ADGRL3: variants seen among roughly 807,000 people sequenced by gnomAD.
ADGRL3 encodes the protein adhesion G protein-coupled receptor L3.
Under a neutral mutation model 153.5 loss-of-function variants are expected in ADGRL3, and 62 were observed. The ratio of observed to expected loss-of-function variants is 0.40; its 90% CI spans 0.33 to 0.50. The LOEUF (loss-of-function observed/expected upper bound fraction) is 0.50, where lower values mean the gene tolerates loss of function less well. Among genes scored for constraint, ADGRL3 ranks in the 20% least tolerant of loss-of-function variants. The pLI is 0.47. For synonymous variants in ADGRL3, 710 were observed against 672.5 expected (o/e 1.06, Z -0.86); for missense variants, 1,641 against 1,859.4 (o/e 0.88, Z 2.16).
chr4:61,871,174 A>G (rs894430322), intron 9 of ADGRL3, among the ~76,000 whole-genome samples: 1 of 152,044 alleles, frequency 6.6e-6, no homozygotes, highest in Non-Finnish European at 1.5e-5. Flanking sequence ...ACTACTCAGC[A>G]GGCTAAGGCA....
intron 2 of ADGRL3, among the ~76,000 whole-genome samples, chr4:61,480,614 C>G (rs1309213023): frequency 1.3e-5 from 2 of 151,688 alleles, no homozygotes; most frequent in Admixed American, 1.3e-4. Context: ...GAAACCCTGT[C>G]TCTACTAAAA....
chr4:61,383,615 T>C (rs1463383298), intron 2 of ADGRL3, among the ~76,000 whole-genome samples: 1 of 151,826 alleles, frequency 6.6e-6, no homozygotes, highest in Non-Finnish European at 1.5e-5. Flanking sequence ...AAGTCATTTT[T>C]CTTTAATTCA....
intron 15 of ADGRL3, among the ~76,000 whole-genome samples, chr4:61,936,731 C>A (rs1390250731): frequency 6.6e-6 from 1 of 150,396 alleles, no homozygotes; most frequent in Non-Finnish European, 1.5e-5. Flanking sequence ...ATTTACATCT[C>A]CTCTAAAGTA....
At chr4:61,886,127 C>T (rs1007436108) in intron 9 of ADGRL3, among the ~76,000 whole-genome samples, 7 of 152,068 alleles carry the variant, frequency 4.6e-5, no homozygotes, top group East Asian at 3.9e-4. Context: ...TTCACTATCT[C>T]GGGAGGCCAT....
At chr4:61,209,156 C>G (rs1032661837) in intron 1 of ADGRL3, among the ~76,000 whole-genome samples, 1 of 152,030 alleles carries the variant, frequency 6.6e-6, no homozygotes, top group Non-Finnish European at 1.5e-5. Flanking sequence ...TATTTCCTTC[C>G]AGAACTTTGG....
At chr4:61,480,835 A>AC (rs1398382167) in intron 2 of ADGRL3, among the ~76,000 whole-genome samples, 3 of 152,056 alleles carry the variant, frequency 2.0e-5, no homozygotes, top group Non-Finnish European at 2.9e-5. Flanking sequence ...TGAGCAAAGG[A>AC]CCTAAGTAGA....
intron 5 of ADGRL3, among the ~76,000 whole-genome samples, chr4:61,589,032 G>C (rs944321996): frequency 6.6e-6 from 1 of 151,930 alleles, no homozygotes; most frequent in African/African-American, 2.4e-5. Context: ...ATTATTAACA[G>C]CTCCAAAAAT....
Position 61,644,224 on chromosome 4 carries a change from A to T in ADGRL3, c.474-32602A>T, listed in dbSNP as rs1481690040. Among the ~76,000 whole-genome samples, 18 of 147,870 alleles carry T rather than the reference A, an allele frequency of 1.2e-4. No homozygotes were observed. The South Asian group carries it at 1.6e-3, about 13-fold the overall frequency. On this transcript the variant is annotated intron_variant, in intron 5 of 26. Coordinates refer to ENST00000683033, the MANE Select transcript of ADGRL3 (RefSeq NM_001387552.1). Reference sequence around the variant, plus strand: ...GCTAGCGGTCTATCAATTTTGTTGAACCTTTCAAAAAACCAGCTCCTGGAT... The same window carrying T: ...GCTAGCGGTCTATCAATTTTGTTGATCCTTTCAAAAAACCAGCTCCTGGAT...
intron 2 of ADGRL3, among the ~76,000 whole-genome samples, chr4:61,464,716 C>T (rs1456283107): frequency 6.6e-6 from 1 of 152,072 alleles, no homozygotes; most frequent in Non-Finnish European, 1.5e-5. Flanking sequence ...GGAAGATATT[C>T]TTCAGTTTTG....
chr4:61,652,521 C>A (rs1296269959), intron 5 of ADGRL3, among the ~76,000 whole-genome samples: 3 of 152,284 alleles, frequency 2.0e-5, no homozygotes, highest in Non-Finnish European at 4.4e-5. Flanking sequence ...TATAACCCAT[C>A]TCTCCTACAT....
In ADGRL3 at chr4:61,451,894, G is replaced by A. The variant is rs192281305; in HGVS notation, c.-173-45227G>A. On this transcript the variant is annotated intron_variant, in intron 2 of 26. Coordinates refer to ENST00000683033, the MANE Select transcript of ADGRL3 (RefSeq NM_001387552.1). ...GAAGTAATAGGAAGATATGATAACA[G>A]AGAGACCAGATAAAGGGCTTTTGCT... Among the ~76,000 whole-genome samples the A allele has an allele frequency of 2.2e-4, 34 of 152,284 alleles. 1 individual carries two copies. Among genetic ancestry groups the A allele is most frequent in the African/African-American group, 7.9e-4 (33 of 41,566 alleles).
intron 3 of ADGRL3, among the ~76,000 whole-genome samples, chr4:61,508,872 A>G (rs2098446677): frequency 6.6e-6 from 1 of 152,164 alleles, no homozygotes; most frequent in Non-Finnish European, 1.5e-5. Flanking sequence ...AGGCCTCAGA[A>G]TCATGGCGGG....
intron 8 of ADGRL3, among the ~76,000 whole-genome samples, chr4:61,798,817 C>T (rs1405747779): frequency 1.3e-5 from 2 of 150,916 alleles, no homozygotes; most frequent in Admixed American, 1.3e-4. Context: ...CAGGGTTTCG[C>T]CATGCCTGGG....
At chr4:61,988,315 T>C (rs1052336795) in intron 19 of ADGRL3, among the ~76,000 whole-genome samples, 17 of 152,178 alleles carry the variant, frequency 1.1e-4, no homozygotes, top group South Asian at 2.1e-4. Context: ...AAAAAATCCA[T>C]TTTAAAAAAC....
chr4:61,850,467 T>TA (rs1169292439), intron 9 of ADGRL3, among the ~76,000 whole-genome samples: 1 of 152,162 alleles, frequency 6.6e-6, no homozygotes, highest in Non-Finnish European at 1.5e-5. Flanking sequence ...TCACTTCTCT[T>TA]ACCATTCTTA....
At chr4:61,441,235 T>G (rs190540320) in intron 2 of ADGRL3, among the ~76,000 whole-genome samples, 2 of 152,218 alleles carry the variant, frequency 1.3e-5, no homozygotes, top group Admixed American at 1.3e-4. Flanking sequence ...TCTACTAATA[T>G]GTACTTCATA....
intron 13 of ADGRL3, among the ~76,000 whole-genome samples, chr4:61,924,210 G>C (rs1427700115): frequency 6.6e-6 from 1 of 152,048 alleles, no homozygotes; most frequent in Non-Finnish European, 1.5e-5. Flanking sequence ...CCTCTTCCTT[G>C]ATATATTCTC....
At chr4:61,935,051 C>A in intron 14 of ADGRL3, 28 bp downstream of exon 14, 1 of 1,594,418 alleles carries the variant, frequency 6.3e-7, no homozygotes. Context: ...TTCAGAAGGT[C>A]CAGACACTCT....
intron 1 of ADGRL3, among the ~76,000 whole-genome samples, chr4:61,224,351 C>T (rs1369935581): frequency 6.6e-6 from 1 of 152,118 alleles, no homozygotes. Context: ...TTTAATTTTA[C>T]AGTTTGATAT....
Sources: gnomAD v4.1 joint callset for allele counts (sites outside exome capture counted in the v4.1 genomes callset) on GRCh38, gnomAD v4.1.1 for gene constraint, MANE v1.5 for transcripts, NCBI Gene and HGNC (gene_info 2026-07-23, HGNC 2026-07-21) for gene names.